The following EPB41 variants were observed in gnomAD, a reference collection of about 807,000 sequenced individuals.
EPB41 encodes erythrocyte membrane protein band 4.1, also known as protein 4.1.
A neutral mutation model predicts 108.0 loss-of-function variants in EPB41; 65 were observed. The ratio of observed to expected loss-of-function variants is 0.60; its 90% CI spans 0.49 to 0.74. The LOEUF is 0.74. EPB41 is among the 30% of genes least tolerant of loss of function. EPB41 has a pLI of 0.00. For missense variants in EPB41, 875 were observed against 1,037.0 expected (o/e 0.84, Z 2.15); for synonymous variants, 336 against 358.9 (o/e 0.94, Z 0.72).
intron 17 of EPB41, among the ~76,000 whole-genome samples, chr1:29,099,848 T>C (rs749883217): frequency 1.3e-5 from 2 of 152,208 alleles, no homozygotes; most frequent in Non-Finnish European, 2.9e-5. Context: ...GAACTTACAT[T>C]CTAGTTAGGA....
intron 1 of EPB41, among the ~76,000 whole-genome samples, chr1:28,938,213 C>A (rs1469465932): frequency 6.6e-6 from 1 of 152,152 alleles, no homozygotes. Flanking sequence ...TGAATTTTAG[C>A]ATCAGTTTTG....
intron 10 of EPB41, 27 bp from the exon 11 acceptor site, chr1:29,039,227 A>C (rs1306289228): frequency 1.9e-5 from 30 of 1,605,338 alleles, no homozygotes; most frequent in African/African-American, 2.7e-5. Flanking sequence ...ATATATAATA[A>C]TATGACTATT....
intron 7 of EPB41, among the ~76,000 whole-genome samples, chr1:29,026,534 G>A (rs965051597): frequency 1.3e-5 from 2 of 152,072 alleles, no homozygotes; most frequent in Non-Finnish European, 2.9e-5. Context: ...CCAAATCTGG[G>A]GCAATTTAAG....
intron 7 of EPB41, among the ~76,000 whole-genome samples, chr1:29,023,033 C>T (rs754456417): frequency 6.6e-6 from 1 of 151,868 alleles, no homozygotes; most frequent in African/African-American, 2.4e-5. Context: ...TCACTCTTGT[C>T]GCCCAGGCTG....
intron 1 of EPB41, among the ~76,000 whole-genome samples, chr1:28,963,688 A>C (rs2095285823): frequency 6.6e-6 from 1 of 152,184 alleles, no homozygotes; most frequent in Non-Finnish European, 1.5e-5. Context: ...AAAAAGAACC[A>C]CTTGATCAGA....
At position 29,018,576 on chromosome 1, in the gene EPB41, T is replaced by G. The variant is rs2096605980; in HGVS notation, c.1124+134T>G. On this transcript the variant is annotated intron_variant, in intron 7 of 20. Transcript: ENST00000343067. The surrounding 1 kb of genome is among the most constrained non-coding windows in gnomAD (Gnocchi z 4.4). ...AGTCAGTTTCCTCCACTGTTTGACTTTGGGCAGGTTACTTAACCTCTCTTA... is the reference window on the plus strand; with the variant it reads ...AGTCAGTTTCCTCCACTGTTTGACTGTGGGCAGGTTACTTAACCTCTCTTA... 1.1e-6 allele frequency: 1 copy of G among 917,090 alleles called. No individual in the cohort carries two copies. Among genetic ancestry groups the G allele is most frequent in the Non-Finnish European group, 1.8e-6 (1 of 570,634 alleles). 56.8% of individuals were successfully genotyped at this position (917,090 alleles called of 1,614,324 possible).
At chr1:28,963,892 G>C (rs1274496729) in intron 1 of EPB41, among the ~76,000 whole-genome samples, 1 of 152,174 alleles carries the variant, frequency 6.6e-6, no homozygotes, top group Non-Finnish European at 1.5e-5. Flanking sequence ...AAACAGAACA[G>C]TCATCCTTCA....
At chr1:28,973,054 G>A (rs2095529055) in intron 1 of EPB41, among the ~76,000 whole-genome samples, 1 of 152,152 alleles carries the variant, frequency 6.6e-6, no homozygotes, top group Non-Finnish European at 1.5e-5. Context: ...TACTTAAATT[G>A]AGTTAGAAAG....
intron 1 of EPB41, among the ~76,000 whole-genome samples, chr1:28,940,025 A>T (rs1045118441): frequency 1.3e-5 from 2 of 152,086 alleles, no homozygotes; most frequent in Non-Finnish European, 2.9e-5. Context: ...CCTTGCTTTG[A>T]TGTCTGGTGC....
At chr1:28,980,900 G>C (rs1206154995) in intron 1 of EPB41, among the ~76,000 whole-genome samples, 1 of 150,678 alleles carries the variant, frequency 6.6e-6, no homozygotes, top group African/African-American at 2.4e-5. Flanking sequence ...GGCCTCCCGA[G>C]TAGCGGGGAT....
intron 16 of EPB41, among the ~76,000 whole-genome samples, chr1:29,080,692 C>T (rs572680663): frequency 1.4e-4 from 21 of 152,244 alleles, no homozygotes; most frequent in South Asian, 4.1e-4. Flanking sequence ...CCTGGTTTTG[C>T]GGAAGTACTT....
At chr1:28,895,294 CT>C (rs1318099256) in intron 1 of EPB41, among the ~76,000 whole-genome samples, 2 of 152,014 alleles carry the variant, frequency 1.3e-5, no homozygotes. Context: ...TTCTTATGGG[CT>C]GGGCTGGTTA....
At chr1:29,008,378 A>G (rs988128294) in intron 4 of EPB41, among the ~76,000 whole-genome samples, 2 of 152,216 alleles carry the variant, frequency 1.3e-5, no homozygotes, top group Admixed American at 1.3e-4. Flanking sequence ...TTTAGTATAC[A>G]TCAAATAATT....
chr1:29,060,884 G>T (rs956378615), intron 15 of EPB41, among the ~76,000 whole-genome samples: 4 of 152,106 alleles, frequency 2.6e-5, no homozygotes, highest in African/African-American at 9.7e-5. Context: ...TGAAAAAGAA[G>T]GGAATTCAGA....
chr1:28,977,761 GGAACATGACTGCATGGCATTTGTCTGGAA>G (rs1009305031), intron 1 of EPB41, among the ~76,000 whole-genome samples: 3 of 152,056 alleles, frequency 2.0e-5, no homozygotes, highest in African/African-American at 7.2e-5. Context: ...TGTAACACGA[GGAACATGACTGCATGGCATTTGTCTGGAA>G]GAACATGACT....
intron 1 of EPB41, among the ~76,000 whole-genome samples, 166 bp downstream of exon 1, chr1:28,914,934 C>T (rs1309127758): frequency 6.6e-6 from 1 of 151,812 alleles, no homozygotes; most frequent in Non-Finnish European, 1.5e-5. Flanking sequence ...GCCTCGTGTG[C>T]ACGCCGAGTC....
chr1:29,027,401 G>A (rs942412254), intron 7 of EPB41, among the ~76,000 whole-genome samples: 6 of 149,740 alleles, frequency 4.0e-5, no homozygotes, highest in East Asian at 2.0e-4. Flanking sequence ...GCGCAATCTC[G>A]GCTCACCGAA....
rs376186084 is a variant in EPB41, at chr1:28,891,894, C to A, written c.-8+4684C>A. Among the ~76,000 whole-genome samples the A allele has an allele frequency of 5.3e-5, 8 of 152,024 alleles. No homozygotes were observed. The East Asian group carries it at 1.2e-3, about 22-fold the overall frequency. On this transcript the variant is annotated intron_variant, in intron 1 of 16. Transcript: ENST00000347529. ...ACCTGAGATCAGGAGTTCGACACAG[C>A]CTGGCTAACACGGTGAAACCCCGTC...
In EPB41 at chr1:29,115,404, A is replaced by C. The variant is rs893121326; in HGVS notation, c.2497-295A>C. ...CGAGACTCCATCTCAACAACAACAA[A>C]AAATAAAAAAAAAATAAAGGATCAT... On this transcript the variant is annotated intron_variant, in intron 19 of 20. Transcript: ENST00000343067. This position sits in a 1 kb window ranked among gnomAD's most constrained non-coding sequence, Gnocchi z 4.4. Among the ~76,000 whole-genome samples the C allele has an allele frequency of 6.6e-6, 1 of 152,102 alleles. No homozygotes were observed. The highest frequency in any genetic ancestry group is 1.5e-5 in the Non-Finnish European group (1 of 68,036).
Sources: gnomAD v4.1 joint callset for allele counts (sites outside exome capture counted in the v4.1 genomes callset) on GRCh38, gnomAD v4.1.1 for gene constraint, Gnocchi (gnomAD v3.1) non-coding constraint, MANE v1.5 for transcripts, NCBI Gene and HGNC (gene_info 2026-07-23, HGNC 2026-07-21) for gene names.